SENP6: variants seen among roughly 807,000 people sequenced by gnomAD.
The protein encoded by SENP6 is SUMO specific peptidase 6.
In SENP6, 41 loss-of-function variants were observed where a neutral mutation model predicts 134.5. The observed-to-expected ratio is 0.30, with a 90% CI of 0.24 to 0.40. SENP6 has a LOEUF of 0.40. Ranked by LOEUF, SENP6 falls within the 10% of genes least tolerant of loss-of-function variation. SENP6 has a pLI of 1.00. For synonymous variants in SENP6, 395 were observed against 429.8 expected (o/e 0.92, Z 1.00); for missense variants, 1,248 against 1,312.5 (o/e 0.95, Z 0.76).
chr6:75,609,810 G>A (rs981625914), intron 1 of SENP6, among the ~76,000 whole-genome samples: 1 of 151,966 alleles, frequency 6.6e-6, no homozygotes, highest in Non-Finnish European at 1.5e-5. Flanking sequence ...ATGGAGTCTC[G>A]GCTCCGTTGC....
At position 75,633,652 on chromosome 6, in the gene SENP6, C is replaced by A. The variant is rs1156731598; in HGVS notation, c.279C>A (p.Asn93Lys). Reference sequence around the variant, plus strand: ...TCTTGAAGACATATGTAAGACGAAACAAGTCTGAAAGTTTTAAAACTTTGA... The same window carrying A: ...TCTTGAAGACATATGTAAGACGAAAAAAGTCTGAAAGTTTTAAAACTTTGA... ...EFILKTYVRR[N>K]KSESFKTLKG... is the part of the protein sequence containing the mutation. The change falls in exon 4 of 24, where the codon AAC becomes AAA. Residue 93 changes from asparagine (N) to lysine (K), a missense_variant. Transcript: ENST00000447266. 1.2e-6 allele frequency: 2 copies of A among 1,611,638 alleles called. No individual in the cohort carries two copies. The highest frequency in any genetic ancestry group is 2.7e-5 in the African/African-American group (2 of 74,722).
At chr6:75,675,649 T>C in intron 12 of SENP6, 181 bp downstream of exon 12, 2 of 731,378 alleles carry the variant, frequency 2.7e-6, no homozygotes, top group Non-Finnish European at 4.5e-6. Context: ...AGAACCTAAC[T>C]TTTTAGAAAC....
intron 3 of SENP6, among the ~76,000 whole-genome samples, chr6:75,632,923 G>T (rs2149837391): frequency 6.6e-6 from 1 of 152,068 alleles, no homozygotes; most frequent in East Asian, 1.9e-4. Context: ...GATGTGCCAG[G>T]ATGCTAAAAT....
In SENP6 at chr6:75,634,788, A is replaced by G. The variant is rs150751620; in HGVS notation, c.435A>G (p.Pro145=). 1.2e-6 allele frequency: 2 copies of G among 1,602,108 alleles called. No individual in the cohort carries two copies. Among genetic ancestry groups the G allele is most frequent in the Non-Finnish European group, 8.5e-7 (1 of 1,176,204 alleles). The part of the protein sequence containing the change: ...RRFHHAHAQI[P]VVKTAAQSSL... Reference sequence around the variant, plus strand: ...TTCATCATGCTCATGCACAGATACCAGTAGTAAAAACAGCAGCCCAAAGGT... The same window carrying G: ...TTCATCATGCTCATGCACAGATACCGGTAGTAAAAACAGCAGCCCAAAGGT... The change falls in exon 5 of 24, where the codon CCA becomes CCG. Residue 145 remains proline, a synonymous_variant. Coordinates refer to ENST00000447266, the MANE Select transcript of SENP6 (RefSeq NM_015571.4).
intron 1 of SENP6, among the ~76,000 whole-genome samples, chr6:75,607,939 A>G (rs371284427): frequency 2.0e-5 from 3 of 152,214 alleles, no homozygotes; most frequent in East Asian, 3.8e-4. Context: ...TTGGCATTCC[A>G]TGGAATATGA....
At chr6:75,636,760 G>T (rs894452040) in intron 5 of SENP6, among the ~76,000 whole-genome samples, 2 of 152,112 alleles carry the variant, frequency 1.3e-5, no homozygotes, top group Non-Finnish European at 2.9e-5. Flanking sequence ...ACAAAGAAAG[G>T]CTTTAACTAA....
intron 1 of SENP6, among the ~76,000 whole-genome samples, chr6:75,609,942 C>T (rs1003879722): frequency 6.6e-6 from 1 of 152,046 alleles, no homozygotes; most frequent in African/African-American, 2.4e-5. Flanking sequence ...CGCATACCAC[C>T]ATGCCTGACT....
At chr6:75,665,285 C>CAA (rs35079953) in intron 9 of SENP6, among the ~76,000 whole-genome samples, 9 of 89,874 alleles carry the variant, frequency 1.0e-4, no homozygotes, top group East Asian at 5.9e-4. Flanking sequence ...GACTCCGTCT[C>CAA]AAAAAAAAAA....
rs922442247 is a variant in SENP6 at position 75,641,142 on chromosome 6, A to T, written c.479+438A>T. On this transcript the variant is annotated intron_variant, in intron 6 of 23. Transcript: ENST00000447266. ...TCCCCTACCCTTCCCAGCCTACAGT[A>T]TCCACAGTTCTACTCTCTATAATAA... 2.6e-5 allele frequency among the ~76,000 whole-genome samples: 4 copies of T among 152,270 alleles called. No individual in the cohort carries two copies. The South Asian group carries it at 8.3e-4, about 32-fold the overall frequency.
At chr6:75,667,001 T>C in intron 10 of SENP6, 60 bp downstream of exon 10, 1 of 1,215,180 alleles carries the variant, frequency 8.2e-7, no homozygotes, top group Non-Finnish European at 1.2e-6. Context: ...GGGTGTAAAT[T>C]TTTTTTAGAA....
Position 75,677,192 on chromosome 6 carries a change from G to C in SENP6, c.1784G>C (p.Cys595Ser), listed in dbSNP as rs746888218. Residue 595 changes from cysteine to serine, a missense_variant, in exon 14 of 24, where the codon TGT becomes TCT. By Grantham distance (112) the Cys-to-Ser change is moderately radical. Transcript: ENST00000447266. ...FEEANGRLVA[C>S]TRTYEESIKG... ...GAAGCTAATGGCAGACTTGTTGCCTGTACAAGAACCTATGAAGAGAGCATC... is the reference window on the plus strand; with the variant it reads ...GAAGCTAATGGCAGACTTGTTGCCTCTACAAGAACCTATGAAGAGAGCATC... 3.1e-6 allele frequency: 5 copies of C among 1,612,294 alleles called. No homozygotes were observed. The highest frequency in any genetic ancestry group is 4.2e-6 in the Non-Finnish European group (5 of 1,179,038).
intron 1 of SENP6, among the ~76,000 whole-genome samples, chr6:75,618,933 T>G (rs1768053851): frequency 6.6e-6 from 1 of 152,166 alleles, no homozygotes; most frequent in East Asian, 1.9e-4. Context: ...ATGATATTTC[T>G]GAAACTTTTT....
chr6:75,684,132 C>T (rs1160646492), intron 16 of SENP6, among the ~76,000 whole-genome samples: 1 of 152,048 alleles, frequency 6.6e-6, no homozygotes, highest in African/African-American at 2.4e-5. Context: ...AAGTTGGATT[C>T]CTAGGTATTT....
intron 21 of SENP6, among the ~76,000 whole-genome samples, chr6:75,712,170 G>C (rs934497299): frequency 6.6e-6 from 1 of 152,134 alleles, no homozygotes; most frequent in African/African-American, 2.4e-5. Flanking sequence ...AGTCAGTTTT[G>C]CTTTTCAGAA....
At chr6:75,613,318 A>G (rs1184611465) in intron 1 of SENP6, among the ~76,000 whole-genome samples, 3 of 152,290 alleles carry the variant, frequency 2.0e-5, no homozygotes, top group South Asian at 4.1e-4. Context: ...CAACACAGCA[A>G]TACCTATTTG....
chr6:75,615,111 G>A (rs1767754126), intron 1 of SENP6, among the ~76,000 whole-genome samples: 1 of 152,030 alleles, frequency 6.6e-6, no homozygotes, highest in Admixed American at 6.6e-5. Flanking sequence ...AGCTGGTCTT[G>A]AATGCCTGAC....
intron 2 of SENP6, among the ~76,000 whole-genome samples, chr6:75,622,158 C>T (rs1182440205): frequency 6.6e-6 from 1 of 152,180 alleles, no homozygotes; most frequent in Non-Finnish European, 1.5e-5. Context: ...GCAAAGTGTT[C>T]ATTACACTTT....
In SENP6 at chr6:75,677,194, A is replaced by G. The variant is rs1266584453; in HGVS notation, c.1786A>G (p.Thr596Ala). The G allele has an allele frequency of 5.6e-6, 9 of 1,612,446 alleles. 1 individual carries two copies. Among genetic ancestry groups the G allele is most frequent in the South Asian group, 2.2e-5 (2 of 90,692 alleles). Reference sequence around the variant, plus strand: ...AGCTAATGGCAGACTTGTTGCCTGTACAAGAACCTATGAAGAGAGCATCAA... The same window carrying G: ...AGCTAATGGCAGACTTGTTGCCTGTGCAAGAACCTATGAAGAGAGCATCAA... ...EEANGRLVACTRTYEESIKGS... is the reference protein window; with the variant it reads ...EEANGRLVACARTYEESIKGS... Residue 596 changes from threonine to alanine, a missense_variant, in exon 14 of 24, where the codon ACA becomes GCA. Transcript: ENST00000447266.
At chr6:75,602,693 G>C in intron 1 of SENP6, 117 bp downstream of exon 1, 5 of 1,052,888 alleles carry the variant, frequency 4.7e-6, no homozygotes, top group African/African-American at 1.6e-5. Flanking sequence ...GGTGAAGTAC[G>C]AGGGATGAGC....
Sources: allele counts gnomAD v4.1 joint callset (sites outside exome capture counted in the v4.1 genomes callset), GRCh38; gene constraint gnomAD v4.1.1; transcripts MANE v1.5; gene names NCBI Gene and HGNC (gene_info 2026-07-23, HGNC 2026-07-21).